Variants in TENM2 observed in about 807,000 individuals in gnomAD.
The protein encoded by TENM2 is teneurin transmembrane protein 2.
In TENM2, 52 loss-of-function variants were observed where a neutral mutation model predicts 245.2. That is an observed-to-expected ratio of 0.21 (90% confidence interval 0.17 to 0.27). TENM2 has a LOEUF of 0.27. Ranked by LOEUF, TENM2 falls within the 10% of genes least tolerant of loss-of-function variation. The pLI is 1.00. For synonymous variants in TENM2, 1,363 were observed against 1,438.9 expected (o/e 0.95, Z 1.19); for missense variants, 3,046 against 3,666.8 (o/e 0.83, Z 4.37).
At chr5:168,046,077 C>G (rs958080463) in intron 5 of TENM2, among the ~76,000 whole-genome samples, 1 of 152,200 alleles carries the variant, frequency 6.6e-6, no homozygotes, top group African/African-American at 2.4e-5. Flanking sequence ...AAAGCAGACA[C>G]ACCCACACAC....
At chr5:167,637,571 C>A (rs151077695) in intron 2 of TENM2, among the ~76,000 whole-genome samples, 5,851 of 152,164 alleles carry the variant, frequency 0.038, 362 homozygotes, top group African/African-American at 0.13. Flanking sequence ...GAACCAACCC[C>A]AATGCCCATC....
intron 2 of TENM2, among the ~76,000 whole-genome samples, chr5:167,436,268 G>C (rs1408743350): frequency 3.3e-5 from 5 of 151,826 alleles, no homozygotes; most frequent in Non-Finnish European, 7.4e-5. Context: ...TGTATTTTTA[G>C]TAGAGACAGG....
chr5:167,723,813 A>G (rs764140130), intron 2 of TENM2, among the ~76,000 whole-genome samples: 7 of 152,188 alleles, frequency 4.6e-5, no homozygotes, highest in Non-Finnish European at 8.8e-5. Context: ...CTATTGAATG[A>G]ATGAACGAAA....
intron 3 of TENM2, among the ~76,000 whole-genome samples, chr5:167,942,649 G>A (rs1779277168): frequency 6.6e-6 from 1 of 152,100 alleles, no homozygotes; most frequent in Admixed American, 6.5e-5. Context: ...TGGCATCCTG[G>A]GGATCTTCAA....
At chr5:167,241,094 A>G in the TENM2 span, among the ~76,000 whole-genome samples, 1 of 151,982 alleles carries the variant, frequency 6.6e-6, no homozygotes, top group African/African-American at 2.4e-5. Flanking sequence ...TATCTGCTCC[A>G]TAAAACAAAG....
At chr5:167,920,330 T>TAAA (rs1302068443) in intron 3 of TENM2, among the ~76,000 whole-genome samples, 7 of 121,050 alleles carry the variant, frequency 5.8e-5, no homozygotes, top group African/African-American at 2.4e-4. Context: ...TGTCTCTACT[T>TAAA]AAAAAAAAAA....
At chr5:168,121,239 C>T (rs188051038) in intron 10 of TENM2, among the ~76,000 whole-genome samples, 28 of 152,130 alleles carry the variant, frequency 1.8e-4, no homozygotes, top group South Asian at 4.1e-4. Context: ...GCTGATGTTT[C>T]GAGGCACATG....
intron 2 of TENM2, among the ~76,000 whole-genome samples, chr5:167,655,076 T>C (rs1309031883): frequency 6.6e-6 from 1 of 152,184 alleles, no homozygotes; most frequent in Non-Finnish European, 1.5e-5. Context: ...TTACAGACGA[T>C]CGATAGCCAC....
chr5:167,413,549 C>A (rs1763015473), intron 2 of TENM2, among the ~76,000 whole-genome samples: 1 of 152,120 alleles, frequency 6.6e-6, no homozygotes, highest in South Asian at 2.1e-4. Flanking sequence ...GCCTTTAAGG[C>A]TCACATACCT....
intron 2 of TENM2, among the ~76,000 whole-genome samples, chr5:167,652,373 T>C (rs1267753558): frequency 1.3e-5 from 2 of 152,214 alleles, no homozygotes; most frequent in Non-Finnish European, 2.9e-5. Flanking sequence ...GCTTATTCCT[T>C]GCTTTTTCTT....
intron 2 of TENM2, among the ~76,000 whole-genome samples, chr5:167,827,629 G>GA (rs1554126462): frequency 6.4e-4 from 2 of 3,130 alleles, no homozygotes; most frequent in African/African-American, 1.0e-3. Flanking sequence ...CTAGGTGGGC[G>GA]GGGGGGGGGG....
chr5:167,697,514 A>G lies in TENM2; in HGVS notation c.503-178472A>G, dbSNP rs891212262. The stretch of plus-strand genomic sequence containing the variant: ...GGCACATTGCAGTGGATTAATCCAT[A>G]TATTTTGAATGAAAGAGTTATCAAT... On this transcript the variant is annotated intron_variant, in intron 2 of 28. Coordinates refer to ENST00000518659, the Ensembl canonical transcript of TENM2. Among the ~76,000 whole-genome samples, 5 of 152,004 alleles carry G rather than the reference A, an allele frequency of 3.3e-5. No homozygotes were observed. The South Asian group carries it at 1.0e-3, about 32-fold the overall frequency.
At chr5:168,219,857 A>T (rs1446349058) in intron 23 of TENM2, among the ~76,000 whole-genome samples, 1 of 119,054 alleles carries the variant, frequency 8.4e-6, no homozygotes, top group Non-Finnish European at 1.7e-5. Flanking sequence ...AAAGCGGGGG[A>T]CAAGAGGGAG....
intron 2 of TENM2, among the ~76,000 whole-genome samples, chr5:167,693,196 C>T (rs562835862): frequency 6.6e-6 from 1 of 152,118 alleles, no homozygotes; most frequent in African/African-American, 2.4e-5. Flanking sequence ...TCTGGGAAGA[C>T]TGACTTATAC....
chr5:168,186,988 T>G (rs1484992218), intron 13 of TENM2: 1 of 152,208 alleles, frequency 6.6e-6, no homozygotes, highest in Non-Finnish European at 1.5e-5. Context: ...TGAAAGTGTT[T>G]GGCGGCTGCA....
rs558281733 is a variant in TENM2, at chr5:167,621,938, C to T, written c.502+246465C>T. On this transcript the variant is annotated intron_variant, in intron 2 of 28. Transcript: ENST00000518659. Reference sequence around the variant, plus strand: ...TTGAGACTTGGCCTCATTTTTACTTCTCACAAGAAGTTCGTACTACATTAT... The same window carrying T: ...TTGAGACTTGGCCTCATTTTTACTTTTCACAAGAAGTTCGTACTACATTAT... Among the ~76,000 whole-genome samples the T allele has an allele frequency of 2.9e-4, 44 of 152,246 alleles. No homozygotes were observed. In the Middle Eastern group the frequency reaches 0.014, roughly 47 times the overall value.
At chr5:167,145,372 C>T in the TENM2 span, among the ~76,000 whole-genome samples, 1 of 152,114 alleles carries the variant, frequency 6.6e-6, no homozygotes, top group African/African-American at 2.4e-5. Context: ...ACCCATAAAA[C>T]GAGATGCCAC....
chr5:168,173,147 T>C (rs1759003204), intron 13 of TENM2, among the ~76,000 whole-genome samples: 1 of 152,170 alleles, frequency 6.6e-6, no homozygotes, highest in African/African-American at 2.4e-5. Context: ...ACCTCTTTCA[T>C]TTATGAGAAT....
chr5:167,375,114 T>A, intron 1 of TENM2, 84 bp from the exon 4 acceptor site: 1 of 1,407,500 alleles, frequency 7.1e-7, no homozygotes, highest in Admixed American at 2.3e-5. Context: ...ATGGGAAAAG[T>A]GGCTGCTTTT....
Sources: allele counts gnomAD v4.1 joint callset (sites outside exome capture counted in the v4.1 genomes callset), GRCh38; gene constraint gnomAD v4.1.1; transcripts MANE v1.5; gene names NCBI Gene and HGNC (gene_info 2026-07-23, HGNC 2026-07-21).